Variants in ZNF14 observed in about 807,000 individuals in gnomAD.
ZNF14 encodes the protein gonadotropin inducible transcription repressor-4.
In ZNF14, 9 loss-of-function variants were observed where a neutral mutation model predicts 11.3. The observed-to-expected ratio is 0.80, with a 90% confidence interval of 0.48 to 1.39. ZNF14 has a LOEUF of 1.39. Ranked by LOEUF, ZNF14 falls within the 40% of genes most tolerant of loss-of-function variation. The pLI is 0.00. For synonymous variants in ZNF14, 239 were observed against 245.7 expected (o/e 0.97, Z 0.25); for missense variants, 711 against 763.9 (o/e 0.93, Z 0.82).
In ZNF14 at chr19:19,714,108, G is replaced by C. The variant is rs1329008023; in HGVS notation, c.174C>G (p.Asn58Lys). Residue 58 changes from asparagine (N) to lysine (K), a missense_variant, in exon 3 of 4, where the codon AAC becomes AAG. Physicochemically the swap from Asn to Lys is moderately conservative, Grantham distance 94. Transcript: ENST00000344099. ...EDQDIEDDHR[N>K]QGKNRRCHMV... ...CAACTCACCTTCGATTTTTCCCCTG[G>C]TTTCTGTGGTCATCTTCAATGTCCT... 6.2e-7 allele frequency: 1 copy of C among 1,612,962 alleles called. No individual in the cohort carries two copies. The highest frequency in any genetic ancestry group is 1.7e-4 in the Middle Eastern group (1 of 6,058).
chr19:19,711,960 G>A lies in ZNF14; in HGVS notation c.1321C>T (p.His441Tyr). 1 of 1,613,992 alleles carries A rather than the reference G, an allele frequency of 6.2e-7. No homozygotes were observed. The highest frequency in any genetic ancestry group is 8.5e-7 in the Non-Finnish European group (1 of 1,180,004). ...CATTCATAGGGTTTCTCTGCATTGT[G>A]AGTCCTTTCATGTCTTTGAAGGGAA... ...SSSLQRHERTHNAEKPYECKQ... is the reference protein window; with the variant it reads ...SSSLQRHERTYNAEKPYECKQ... Residue 441 changes from histidine to tyrosine, a missense_variant, in exon 4 of 4, where the codon CAC becomes TAC. His to Tyr is a moderately conservative substitution (Grantham distance 83). Coordinates refer to ENST00000344099, the MANE Select transcript of ZNF14 (RefSeq NM_021030.3).
chr19:19,721,253 G>A (rs539528957), intron 1 of ZNF14, among the ~76,000 whole-genome samples: 22 of 152,222 alleles, frequency 1.4e-4, no homozygotes, highest in African/African-American at 5.1e-4. Flanking sequence ...ACCACCCCCG[G>A]CCCTTCCTAC....
At position 19,713,748 on chromosome 19, in the gene ZNF14, C is replaced by CTTTTTTTTTTTTTTTTTTTTTTTTTTT. The variant is rs71172526; in HGVS notation, c.191+342_191+343insAAAAAAAAAAAAAAAAAAAAAAAAAAA. Among the ~76,000 whole-genome samples, 4 of 120,188 alleles carry CTTTTTTTTTTTTTTTTTTTTTTTTTTT rather than the reference C, an allele frequency of 3.3e-5. 1 individual carries two copies. The highest frequency in any genetic ancestry group is 2.6e-4 in the Admixed American group (3 of 11,706). 78.8% of individuals were successfully genotyped at this position (120,188 alleles called of 152,430 possible). On this transcript the variant is annotated intron_variant, in intron 3 of 3. Transcript: ENST00000344099. ...ACAGGCATGAGCCACTGTGCCAGGC[C>CTTTTTTTTTTTTTTTTTTTTTTTTTTT]TTTTTTTTTTTTTTTCCCCAGATGA... is the stretch of plus-strand genomic sequence containing the variant.
intron 1 of ZNF14, among the ~76,000 whole-genome samples, chr19:19,718,534 AAAGAC>A (rs2145097666): frequency 6.6e-6 from 1 of 152,304 alleles, no homozygotes; most frequent in Admixed American, 6.5e-5. Context: ...AGTACTAACT[AAAGAC>A]AAGAAAGAAA....
rs752317208 is a variant in ZNF14, at chr19:19,712,824, G to T, written c.457C>A (p.His153Asn). Residue 153 changes from histidine to asparagine, a missense_variant, in exon 4 of 4, where the codon CAC becomes AAC. Physicochemically the swap from His to Asn is moderately conservative, Grantham distance 68 (BLOSUM62 1). Transcript: ENST00000344099. Reference protein sequence around the residue: ...CKAVGKTFSYHHCFRKHERTH... With the variant: ...CKAVGKTFSYNHCFRKHERTH... ...CTTTCATGTTTGCGAAAGCAGTGGTGATAACTGAAGGTTTTCCCAACTGCT... is the reference window on the plus strand; with the variant it reads ...CTTTCATGTTTGCGAAAGCAGTGGTTATAACTGAAGGTTTTCCCAACTGCT... 6.2e-7 allele frequency: 1 copy of T among 1,614,162 alleles called. No homozygotes were observed. Among genetic ancestry groups the T allele is most frequent in the East Asian group, 2.2e-5 (1 of 44,872 alleles).
intron 1 of ZNF14, among the ~76,000 whole-genome samples, chr19:19,722,717 C>T (rs2062396343): frequency 6.6e-6 from 1 of 152,098 alleles, no homozygotes; most frequent in Non-Finnish European, 1.5e-5. Flanking sequence ...ATGGAATGTT[C>T]TTCCATTTGT....
chr19:19,728,698 C>A (rs1250206463), intron 1 of ZNF14, among the ~76,000 whole-genome samples: 1 of 131,838 alleles, frequency 7.6e-6, no homozygotes, highest in African/African-American at 2.8e-5. Flanking sequence ...CCAGACACAG[C>A]TATCACACCA....
intron 3 of ZNF14, 131 bp downstream of exon 3, chr19:19,713,960 A>T: frequency 1.2e-6 from 1 of 802,758 alleles, no homozygotes. Context: ...AACATCTATG[A>T]TGTTTTTAAG....
chr19:19,722,551 TA>T (rs2062395868), intron 1 of ZNF14, among the ~76,000 whole-genome samples: 1 of 152,232 alleles, frequency 6.6e-6, no homozygotes, highest in Admixed American at 6.5e-5. Context: ...GTCTTTGCTA[TA>T]TGGGCTCTTT....
chr19:19,716,502 T>C (rs1201809048), intron 1 of ZNF14, among the ~76,000 whole-genome samples: 1 of 152,124 alleles, frequency 6.6e-6, no homozygotes, highest in Non-Finnish European at 1.5e-5. Context: ...TTGGCCAGGC[T>C]GGGCTTGAAC....
chr19:19,728,944 T>C lies in ZNF14; in HGVS notation c.3+4012A>G, dbSNP rs145532024. On this transcript the variant is annotated intron_variant, in intron 1 of 3. Transcript: ENST00000344099. The stretch of plus-strand genomic sequence containing the variant: ...GACAGAACTAAAAAAATCCTCATAG[T>C]AGAATTAGATTGGAAACAAAGATTA... Among the ~76,000 whole-genome samples the C allele has an allele frequency of 3.3e-3, 502 of 152,260 alleles. 3 individuals carry two copies. The highest frequency in any genetic ancestry group is 0.012 in the African/African-American group (479 of 41,542).
intron 1 of ZNF14, among the ~76,000 whole-genome samples, chr19:19,721,163 A>G (rs1310474665): frequency 6.6e-6 from 1 of 152,110 alleles, no homozygotes; most frequent in Middle Eastern, 3.4e-3. Context: ...TCACCATGTT[A>G]GTCAGGCTGG....
chr19:19,721,105 G>A (rs945633903), intron 1 of ZNF14, among the ~76,000 whole-genome samples: 1 of 152,028 alleles, frequency 6.6e-6, no homozygotes, highest in Admixed American at 6.6e-5. Flanking sequence ...CTATAGGCAC[G>A]CACCACCATG....
chr19:19,716,698 C>T (rs76417397), intron 1 of ZNF14, among the ~76,000 whole-genome samples: 5,093 of 152,122 alleles, frequency 0.033, 143 homozygotes, highest in Non-Finnish European at 0.045. Context: ...CAATCCCAGC[C>T]GTGCAAGTAA....
intron 1 of ZNF14, among the ~76,000 whole-genome samples, chr19:19,722,792 A>G (rs1260844932): frequency 6.6e-6 from 1 of 152,164 alleles, no homozygotes; most frequent in Non-Finnish European, 1.5e-5. Flanking sequence ...CTCCTTGAAG[A>G]GGTCCTTCAC....
chr19:19,732,860 G>C, intron 1 of ZNF14, 96 bp downstream of exon 1: 1 of 1,531,994 alleles, frequency 6.5e-7, no homozygotes, highest in Non-Finnish European at 8.9e-7. Context: ...CCCCGGGTCT[G>C]CAAACCCCGG....
chr19:19,723,242 G>T (rs944348062), intron 1 of ZNF14, among the ~76,000 whole-genome samples: 1 of 152,152 alleles, frequency 6.6e-6, no homozygotes, highest in Non-Finnish European at 1.5e-5. Flanking sequence ...ATTATTTTGA[G>T]ATACATCCAA....
At position 19,720,967 on chromosome 19, in the gene ZNF14, G is replaced by T. The variant is rs1008191347; in HGVS notation, c.4-6480C>A. ...CCTACTCTTACTTTATTTATTTATT[G>T]ATTTTTTTGAGACAGAGTCTTGCTC... On this transcript the variant is annotated intron_variant, in intron 1 of 3. Coordinates refer to ENST00000344099, the MANE Select transcript of ZNF14 (RefSeq NM_021030.3). The surrounding 1 kb of genome is among the most constrained non-coding windows in gnomAD (Gnocchi z 4.1). Among the ~76,000 whole-genome samples, 2 of 152,052 alleles carry T rather than the reference G, an allele frequency of 1.3e-5. No homozygotes were observed. Among genetic ancestry groups the T allele is most frequent in the East Asian group, 3.9e-4 (2 of 5,190 alleles).
chr19:19,722,430 G>A (rs369651672), intron 1 of ZNF14, among the ~76,000 whole-genome samples: 1 of 152,154 alleles, frequency 6.6e-6, no homozygotes, highest in Non-Finnish European at 1.5e-5. Context: ...CCACTGGTCT[G>A]TATCTCTGTT....
Sources: gnomAD v4.1 joint callset for allele counts (sites outside exome capture counted in the v4.1 genomes callset) on GRCh38, gnomAD v4.1.1 for gene constraint, Gnocchi (gnomAD v3.1) non-coding constraint, MANE v1.5 for transcripts, NCBI Gene and HGNC (gene_info 2026-07-23, HGNC 2026-07-21) for gene names.